USP13: variants seen among roughly 807,000 people sequenced by gnomAD.
USP13 encodes ubiquitin carboxyl-terminal hydrolase 13.
In USP13, 68 loss-of-function variants were observed where a neutral mutation model predicts 107.8. The observed-to-expected ratio is 0.63, with a 90% CI of 0.52 to 0.77. The LOEUF is 0.77. Among genes scored for constraint, USP13 ranks in the 30% least tolerant of loss-of-function variants. The pLI is 0.00. For synonymous variants in USP13, 377 were observed against 389.5 expected (o/e 0.97, Z 0.38); for missense variants, 945 against 1,093.3 (o/e 0.86, Z 1.91).
chr3:179,745,529 T>C lies in USP13; in HGVS notation c.1709+312T>C, dbSNP rs371196954. 5.4e-5 allele frequency among the ~76,000 whole-genome samples: 8 copies of C among 148,596 alleles called. No individual in the cohort carries two copies. In the East Asian group the frequency reaches 1.2e-3, roughly 22 times the overall value. ...TCCTTCCTTCCTTTCTTTCTTCCTTTCTTCCTTCCTTCCTTCCTCCTTCCC... is the reference window on the plus strand; with the variant it reads ...TCCTTCCTTCCTTTCTTTCTTCCTTCCTTCCTTCCTTCCTTCCTCCTTCCC... On this transcript the variant is annotated intron_variant, in intron 13 of 20. Coordinates refer to ENST00000263966, the MANE Select transcript of USP13 (RefSeq NM_003940.3).
At chr3:179,763,973 A>G in intron 17 of USP13, 29 bp from the exon 18 acceptor site, 3 of 1,562,312 alleles carry the variant, frequency 1.9e-6, no homozygotes, top group Non-Finnish European at 2.6e-6. Flanking sequence ...AAAAAAAGGA[A>G]AAGACTTGGG....
intron 10 of USP13, among the ~76,000 whole-genome samples, chr3:179,736,260 G>C (rs1459237267): frequency 6.6e-6 from 1 of 152,216 alleles, no homozygotes; most frequent in African/African-American, 2.4e-5. Flanking sequence ...GGTATTGTTT[G>C]ACTTGTGTTT....
At chr3:179,685,131 G>A (rs1318449617) in intron 2 of USP13, among the ~76,000 whole-genome samples, 3 of 148,068 alleles carry the variant, frequency 2.0e-5, no homozygotes, top group Non-Finnish European at 4.5e-5. Context: ...AATAATTTTT[G>A]TAATTTTTTA....
chr3:179,715,803 T>C (rs980187545), intron 6 of USP13, among the ~76,000 whole-genome samples: 1 of 152,214 alleles, frequency 6.6e-6, no homozygotes, highest in Non-Finnish European at 1.5e-5. Context: ...GCACTGACTC[T>C]GAGGAGAATC....
intron 11 of USP13, among the ~76,000 whole-genome samples, chr3:179,741,416 A>G (rs960082440): frequency 2.6e-5 from 4 of 151,370 alleles, no homozygotes; most frequent in Admixed American, 6.6e-5. Flanking sequence ...CAGGTCCATG[A>G]TCTTTTCTAA....
rs1159440351 is a variant in USP13 at position 179,788,554 on chromosome 3, C to G, written c.*4413C>G. 2 of 152,084 alleles carry G rather than the reference C, an allele frequency of 1.3e-5. No individual in the cohort carries two copies. The highest frequency in any genetic ancestry group is 6.5e-5 in the Admixed American group (1 of 15,268). The allele number at this position is 152,084 out of a possible 1,614,324, so 9.4% of individuals were successfully genotyped here. On this transcript the variant is annotated 3_prime_UTR_variant, in exon 21 of 21. Coordinates refer to ENST00000263966, the MANE Select transcript of USP13 (RefSeq NM_003940.3). Reference sequence around the variant, plus strand: ...CAAAAAGGAATTTAAAATATTTCACCAATATTTCATATTGATAACATGCTG... The same window carrying G: ...CAAAAAGGAATTTAAAATATTTCACGAATATTTCATATTGATAACATGCTG...
intron 10 of USP13, among the ~76,000 whole-genome samples, chr3:179,732,729 C>A (rs906850186): frequency 1.4e-4 from 20 of 144,192 alleles, no homozygotes. Flanking sequence ...GTTAATATTA[C>A]AGTGTCCTTT....
At chr3:179,764,439 CAG>C (rs1560079346) in intron 18 of USP13, among the ~76,000 whole-genome samples, 1 of 152,060 alleles carries the variant, frequency 6.6e-6, no homozygotes, top group Non-Finnish European at 1.5e-5. Flanking sequence ...TGTTTGTTAA[CAG>C]GGGGTCAGAA....
At chr3:179,684,681 G>C (rs1312004318) in intron 2 of USP13, among the ~76,000 whole-genome samples, 1 of 152,068 alleles carries the variant, frequency 6.6e-6, no homozygotes, top group East Asian at 1.9e-4. Flanking sequence ...TCTCTCAGTT[G>C]TGTTCTGTTG....
intron 19 of USP13, among the ~76,000 whole-genome samples, chr3:179,778,698 G>A (rs141331234): frequency 1.3e-5 from 2 of 152,146 alleles, no homozygotes; most frequent in South Asian, 2.1e-4. Context: ...TCCCGGAGGC[G>A]GAGGTTGCAG....
At position 179,742,590 on chromosome 3, in the gene USP13, A is replaced by T. The variant is rs1453087796; in HGVS notation, c.1534+240A>T. On this transcript the variant is annotated intron_variant, in intron 12 of 20. Transcript: ENST00000263966. The surrounding 1 kb of genome is among the most constrained non-coding windows in gnomAD (Gnocchi z 5.0). ...GGTTGGAACCTACGTCACTGCCTAT[A>T]AATTTGGCCAACTACTGAATATGGA... is the stretch of plus-strand genomic sequence containing the variant. Among the ~76,000 whole-genome samples the T allele has an allele frequency of 6.6e-6, 1 of 152,212 alleles. No individual in the cohort carries two copies. The highest frequency in any genetic ancestry group is 1.9e-4 in the East Asian group (1 of 5,204).
At chr3:179,684,276 C>CACACACACACACAG (rs1365744414) in intron 2 of USP13, among the ~76,000 whole-genome samples, 45 of 135,576 alleles carry the variant, frequency 3.3e-4, no homozygotes, top group South Asian at 5.0e-4. Flanking sequence ...CCTTTACACA[C>CACACACACACACAG]ACACACACAC....
intron 13 of USP13, 121 bp from the exon 14 acceptor site, chr3:179,752,164 C>G: frequency 1.3e-6 from 1 of 777,140 alleles, no homozygotes. Context: ...GCATGTTCCT[C>G]CTCTTCAGTT....
intron 13 of USP13, among the ~76,000 whole-genome samples, chr3:179,749,993 C>A (rs1453956172): frequency 6.6e-6 from 1 of 151,984 alleles, no homozygotes; most frequent in Admixed American, 6.6e-5. Flanking sequence ...GGCCGGGTGC[C>A]GTGGCTCACA....
At chr3:179,668,429 C>T (rs1366245472) in intron 1 of USP13, among the ~76,000 whole-genome samples, 2 of 152,232 alleles carry the variant, frequency 1.3e-5, no homozygotes, top group African/African-American at 2.4e-5. Flanking sequence ...TATGTGAACA[C>T]ATTTACTTCA....
At chr3:179,743,831 TG>T (rs1157157005) in intron 12 of USP13, among the ~76,000 whole-genome samples, 16 of 60,024 alleles carry the variant, frequency 2.7e-4, no homozygotes, top group Admixed American at 7.8e-4. Flanking sequence ...CATCATAAAC[TG>T]ATTGGGGACA....
At chr3:179,728,773 G>A (rs939605713) in intron 8 of USP13, among the ~76,000 whole-genome samples, 10 of 152,158 alleles carry the variant, frequency 6.6e-5, no homozygotes, top group Non-Finnish European at 1.5e-4. Flanking sequence ...CGCGGTTAGG[G>A]GCTGGAGACC....
intron 8 of USP13, among the ~76,000 whole-genome samples, chr3:179,725,250 C>G (rs906119578): frequency 6.6e-6 from 1 of 152,106 alleles, no homozygotes; most frequent in Non-Finnish European, 1.5e-5. Context: ...TTCTATCTAT[C>G]TTGCCTTAAA....
chr3:179,764,146 C>T lies in USP13; in HGVS notation c.2237C>T (p.Ala746Val). ...TCCATGGGATTTCAGCGAAATCAGGCTATTCAGGCACTACGAGCAACGGTG... is the reference window on the plus strand; with the variant it reads ...TCCATGGGATTTCAGCGAAATCAGGTTATTCAGGCACTACGAGCAACGGTG... ...ITSMGFQRNQAIQALRATNNN... is the reference protein window; with the variant it reads ...ITSMGFQRNQVIQALRATNNN... Residue 746 changes from alanine (A) to valine (V), a missense_variant, in exon 18 of 21, where the codon GCT becomes GTT. Ala to Val is a moderately conservative substitution (Grantham distance 64). Transcript: ENST00000263966. The T allele has an allele frequency of 6.2e-7, 1 of 1,613,114 alleles. No individual in the cohort carries two copies. Among genetic ancestry groups the T allele is most frequent in the Admixed American group, 1.7e-5 (1 of 59,890 alleles).
Sources: allele counts gnomAD v4.1 joint callset (sites outside exome capture counted in the v4.1 genomes callset), GRCh38; gene constraint gnomAD v4.1.1; non-coding constraint Gnocchi (gnomAD v3.1); transcripts MANE v1.5; gene names NCBI Gene and HGNC (gene_info 2026-07-23, HGNC 2026-07-21).